Variants in CAMK1D observed in about 807,000 individuals in gnomAD.
CAMK1D encodes the protein calcium/calmodulin dependent protein kinase ID.
Under a neutral mutation model 47.7 loss-of-function variants are expected in CAMK1D, and 9 were observed. The ratio of observed to expected loss-of-function variants is 0.19; its 90% CI spans 0.11 to 0.33. The LOEUF (loss-of-function observed/expected upper bound fraction) is 0.33. Ranked by LOEUF, CAMK1D falls within the 10% of genes least tolerant of loss-of-function variation. The pLI, the probability that CAMK1D is intolerant of heterozygous loss-of-function variation, is 1.00. For missense variants in CAMK1D, 291 were observed against 488.7 expected (o/e 0.60, Z 3.81); for synonymous variants, 184 against 184.9 (o/e 0.99, Z 0.04).
At chr10:12,592,064 G>A (rs73572248) in intron 2 of CAMK1D, among the ~76,000 whole-genome samples, 2,457 of 152,172 alleles carry the variant, frequency 0.016, 75 homozygotes, top group African/African-American at 0.056. Context: ...ATATGAAAAC[G>A]CCCCCGTTGA....
chr10:12,767,902 C>T (rs1223303758), intron 4 of CAMK1D, among the ~76,000 whole-genome samples: 1 of 152,148 alleles, frequency 6.6e-6, no homozygotes, highest in African/African-American at 2.4e-5. Context: ...GACGGAGTTT[C>T]ACTCTTGTCA....
At chr10:12,745,583 A>G (rs1835633555) in intron 3 of CAMK1D, among the ~76,000 whole-genome samples, 2 of 151,320 alleles carry the variant, frequency 1.3e-5, no homozygotes, top group Non-Finnish European at 2.9e-5. Flanking sequence ...CAAATGCAAG[A>G]AACTCTGCCA....
chr10:12,786,027 C>T (rs1194652444), intron 5 of CAMK1D, among the ~76,000 whole-genome samples: 1 of 152,092 alleles, frequency 6.6e-6, no homozygotes, highest in Non-Finnish European at 1.5e-5. Flanking sequence ...GTTATATTTT[C>T]CACGAATTTC....
At chr10:12,517,774 AAC>A (rs1265554726) in intron 1 of CAMK1D, among the ~76,000 whole-genome samples, 2 of 152,140 alleles carry the variant, frequency 1.3e-5, no homozygotes, top group Non-Finnish European at 1.5e-5. Context: ...CCCATTTGGT[AAC>A]AGTTTGTTAA....
chr10:12,712,115 A>G (rs1038525217), intron 3 of CAMK1D, among the ~76,000 whole-genome samples: 1 of 152,210 alleles, frequency 6.6e-6, no homozygotes, highest in Non-Finnish European at 1.5e-5. Flanking sequence ...TTTATCAGGT[A>G]CAAAGGACAT....
At chr10:12,504,506 A>G (rs545583904) in intron 1 of CAMK1D, among the ~76,000 whole-genome samples, 1 of 152,232 alleles carries the variant, frequency 6.6e-6, no homozygotes, top group Non-Finnish European at 1.5e-5. Context: ...AGATTAGGTG[A>G]TGCCTTTCCA....
chr10:12,415,447 C>G (rs1318383272), intron 1 of CAMK1D, among the ~76,000 whole-genome samples: 2 of 140,168 alleles, frequency 1.4e-5, no homozygotes, highest in African/African-American at 5.1e-5. Flanking sequence ...CACCACCACG[C>G]CTGGCTAATT....
At chr10:12,372,432 C>G (rs754485102) in intron 1 of CAMK1D, among the ~76,000 whole-genome samples, 2 of 152,190 alleles carry the variant, frequency 1.3e-5, no homozygotes, top group Non-Finnish European at 2.9e-5. Flanking sequence ...AGGTATCTGT[C>G]TGGGGCCAAA....
intron 2 of CAMK1D, among the ~76,000 whole-genome samples, chr10:12,598,798 C>T (rs7911208): frequency 0.26 from 39,878 of 152,120 alleles, 5,975 homozygotes; most frequent in East Asian, 0.47. Context: ...AACCTTTTAA[C>T]GCGTATCTTG....
chr10:12,790,278 A>C (rs1367950476), intron 5 of CAMK1D, among the ~76,000 whole-genome samples: 3 of 152,214 alleles, frequency 2.0e-5, no homozygotes, highest in African/African-American at 7.2e-5. Context: ...CAAACCTTAG[A>C]GAAGGAATTA....
At chr10:12,494,528 G>A (rs1177879325) in intron 1 of CAMK1D, among the ~76,000 whole-genome samples, 1 of 152,056 alleles carries the variant, frequency 6.6e-6, no homozygotes, top group Non-Finnish European at 1.5e-5. Context: ...AGATATTTTT[G>A]TGTCCATTTC....
chr10:12,379,228 T>C (rs907051088), intron 1 of CAMK1D, among the ~76,000 whole-genome samples: 3 of 152,240 alleles, frequency 2.0e-5, no homozygotes, highest in Admixed American at 2.0e-4. Context: ...ATCTTATAAG[T>C]AGACAGTGGT....
chr10:12,436,836 A>G lies in CAMK1D; in HGVS notation c.92+86926A>G, dbSNP rs565555293. Among the ~76,000 whole-genome samples the G allele has an allele frequency of 2.6e-5, 4 of 152,320 alleles. No individual in the cohort carries two copies. The South Asian group carries it at 6.2e-4, about 24-fold the overall frequency. On this transcript the variant is annotated intron_variant, in intron 1 of 10. Transcript: ENST00000619168. Reference sequence around the variant, plus strand: ...TTAAGTGCCCATGCGTTGGTCCCCAAGACCACCCCCAGGTTTGATGATTCG... The same window carrying G: ...TTAAGTGCCCATGCGTTGGTCCCCAGGACCACCCCCAGGTTTGATGATTCG...
At chr10:12,468,875 T>C (rs536844289) in intron 1 of CAMK1D, among the ~76,000 whole-genome samples, 2 of 152,280 alleles carry the variant, frequency 1.3e-5, no homozygotes, top group East Asian at 1.9e-4. Flanking sequence ...GTTTTTCTTA[T>C]TGGATTCAGG....
intron 4 of CAMK1D, among the ~76,000 whole-genome samples, chr10:12,765,094 CA>C (rs1043002766): frequency 2.7e-5 from 4 of 150,656 alleles, no homozygotes; most frequent in Non-Finnish European, 5.9e-5. Flanking sequence ...GACTCCATCT[CA>C]AAAAAAAACC....
intron 1 of CAMK1D, among the ~76,000 whole-genome samples, chr10:12,357,049 C>T (rs1564290666): frequency 6.6e-6 from 1 of 152,160 alleles, no homozygotes; most frequent in African/African-American, 2.4e-5. Context: ...CCCCTTCAAT[C>T]TCTCTCCTCC....
At position 12,691,394 on chromosome 10, in the gene CAMK1D, TA is replaced by T. The variant is rs1564495534; in HGVS notation, c.299+24585del. ...ATATATATAAATATATATATATATATATATATATAAATATATATATATATAT... is the reference window on the plus strand; with the variant it reads ...ATATATATAAATATATATATATATATTATATATAAATATATATATATATAT... On this transcript the variant is annotated intron_variant, in intron 3 of 10. Transcript: ENST00000619168. 5.2e-3 allele frequency among the ~76,000 whole-genome samples: 38 copies of T among 7,288 alleles called. 2 individuals carry two copies. Among genetic ancestry groups the T allele is most frequent in the East Asian group, 0.012 (2 of 166 alleles). The allele number at this position is 7,288 out of a possible 152,430, so 4.8% of individuals were successfully genotyped here.
In CAMK1D at chr10:12,823,830, C is replaced by T. The variant is rs551210845; in HGVS notation, c.834-635C>T. ...GGTTGAGTGGAGCTGGGAATCCTGTCACCCAGCATAGAGTGGGTGGGGGGC... is the reference window on the plus strand; with the variant it reads ...GGTTGAGTGGAGCTGGGAATCCTGTTACCCAGCATAGAGTGGGTGGGGGGC... On this transcript the variant is annotated intron_variant, in intron 8 of 10. Coordinates refer to ENST00000619168, the MANE Select transcript of CAMK1D (RefSeq NM_153498.4). 7.1e-3 allele frequency among the ~76,000 whole-genome samples: 1,073 copies of T among 151,940 alleles called. 13 individuals carry two copies. Among genetic ancestry groups the T allele is most frequent in the African/African-American group, 0.024 (1,004 of 41,410 alleles).
intron 1 of CAMK1D, among the ~76,000 whole-genome samples, chr10:12,418,757 T>C (rs540806700): frequency 6.6e-6 from 1 of 152,142 alleles, no homozygotes; most frequent in East Asian, 1.9e-4. Flanking sequence ...CGAATGAAGG[T>C]ATTACTAGAA....
Sources: allele counts gnomAD v4.1 joint callset (sites outside exome capture counted in the v4.1 genomes callset), GRCh38; gene constraint gnomAD v4.1.1; transcripts MANE v1.5; gene names NCBI Gene and HGNC (gene_info 2026-07-23, HGNC 2026-07-21).